RCAN2: variants seen among roughly 807,000 people sequenced by gnomAD.
RCAN2 encodes the protein calcipressin-2.
RCAN2 carries 9 observed loss-of-function variants against 23.6 expected under a neutral mutation model. The observed-to-expected ratio is 0.38, with a 90% CI of 0.23 to 0.67. The LOEUF (loss-of-function observed/expected upper bound fraction) is 0.67. Among genes scored for constraint, RCAN2 ranks in the 30% least tolerant of loss-of-function variants. The pLI is 0.51. For synonymous variants in RCAN2, 109 were observed against 115.7 expected (o/e 0.94, Z 0.37); for missense variants, 273 against 302.3 (o/e 0.90, Z 0.72).
At chr6:46,487,131 T>C (rs1769015127) in intron 1 of RCAN2, among the ~76,000 whole-genome samples, 1 of 152,186 alleles carries the variant, frequency 6.6e-6, no homozygotes. Flanking sequence ...CTCTATTCTA[T>C]GCCATAATAA....
intron 2 of RCAN2, among the ~76,000 whole-genome samples, chr6:46,391,232 A>G (rs938462600): frequency 1.3e-5 from 2 of 152,208 alleles, no homozygotes; most frequent in African/African-American, 4.8e-5. Context: ...ATAAAAAAGG[A>G]TAAGTTCATG....
intron 2 of RCAN2, among the ~76,000 whole-genome samples, chr6:46,381,270 T>C (rs1004663157): frequency 1.3e-5 from 2 of 152,304 alleles, no homozygotes; most frequent in African/African-American, 4.8e-5. Flanking sequence ...AGGCAGATAA[T>C]ACAATGGAAA....
At chr6:46,475,005 T>C (rs1768674451) in intron 1 of RCAN2, among the ~76,000 whole-genome samples, 1 of 152,254 alleles carries the variant, frequency 6.6e-6, no homozygotes, top group African/African-American at 2.4e-5. Flanking sequence ...GATTTCCAAA[T>C]ATTTGTTGAA....
chr6:46,301,647 G>T (rs1416655991), intron 2 of RCAN2, among the ~76,000 whole-genome samples: 1 of 152,096 alleles, frequency 6.6e-6, no homozygotes, highest in Non-Finnish European at 1.5e-5. Flanking sequence ...TTATGCAATG[G>T]TGAACATATA....
At chr6:46,479,822 C>T (rs1582236032) in intron 1 of RCAN2, among the ~76,000 whole-genome samples, 1 of 152,120 alleles carries the variant, frequency 6.6e-6, no homozygotes, top group African/African-American at 2.4e-5. Flanking sequence ...ACCTCATGAT[C>T]TGCCCATCTC....
intron 2 of RCAN2, among the ~76,000 whole-genome samples, chr6:46,286,777 T>C (rs148706161): frequency 0.032 from 4,895 of 151,628 alleles, 233 homozygotes; most frequent in African/African-American, 0.11. Flanking sequence ...CCGAGGCAGG[T>C]GGATCACCTG....
chr6:46,368,529 G>A (rs1005086649), intron 2 of RCAN2, among the ~76,000 whole-genome samples: 1 of 152,166 alleles, frequency 6.6e-6, no homozygotes, highest in Non-Finnish European at 1.5e-5. Flanking sequence ...AACCTAGATG[G>A]TATAGCCTAC....
At chr6:46,270,537 C>T (rs1161967976) in intron 2 of RCAN2, among the ~76,000 whole-genome samples, 1 of 152,184 alleles carries the variant, frequency 6.6e-6, no homozygotes, top group Non-Finnish European at 1.5e-5. Context: ...GCTGTCTTCT[C>T]AGATGGTTCC....
At chr6:46,367,111 A>T (rs1380180745) in intron 2 of RCAN2, among the ~76,000 whole-genome samples, 2 of 144,890 alleles carry the variant, frequency 1.4e-5, no homozygotes, top group African/African-American at 5.1e-5. Flanking sequence ...GGAACATGCA[A>T]GGGGACTTCT....
intron 2 of RCAN2, among the ~76,000 whole-genome samples, chr6:46,347,630 CT>C (rs1373491084): frequency 2.0e-5 from 3 of 152,072 alleles, no homozygotes; most frequent in Non-Finnish European, 4.4e-5. Context: ...TAATAGTTAC[CT>C]TGTTTTTTAA....
intron 2 of RCAN2, among the ~76,000 whole-genome samples, chr6:46,379,450 C>T (rs533920761): frequency 9.2e-5 from 14 of 152,246 alleles, no homozygotes; most frequent in Admixed American, 7.2e-4. Context: ...AAATTATATG[C>T]TCCAGATAAA....
intron 2 of RCAN2, among the ~76,000 whole-genome samples, chr6:46,305,934 CATGATTACCACTTTGT>C (rs1197843540): frequency 7.5e-6 from 1 of 133,158 alleles, no homozygotes; most frequent in Non-Finnish European, 1.6e-5. Context: ...TTTTTTTTTT[CATGATTACCACTTTGT>C]ATGCCTGGCG....
rs1764857613 is a variant in RCAN2, at chr6:46,357,180, G to T, written c.225+99572C>A. ...ATGGGGTAGAAAAATTTGTCCCTCA[G>T]TTCTGTGCAAACCAGAATGGTTGGC... On this transcript the variant is annotated intron_variant, in intron 2 of 4. Transcript: ENST00000371374. Among the ~76,000 whole-genome samples, 3 of 152,294 alleles carry T rather than the reference G, an allele frequency of 2.0e-5. No homozygotes were observed. The South Asian group carries it at 6.2e-4, about 32-fold the overall frequency.
intron 2 of RCAN2, among the ~76,000 whole-genome samples, chr6:46,392,129 A>T (rs1346096843): frequency 6.6e-6 from 1 of 152,160 alleles, no homozygotes; most frequent in Non-Finnish European, 1.5e-5. Context: ...TTAAAAATGT[A>T]CATGTAAGCC....
intron 2 of RCAN2, among the ~76,000 whole-genome samples, chr6:46,282,668 G>GTCT (rs1271133942): frequency 6.6e-6 from 1 of 152,158 alleles, no homozygotes; most frequent in Non-Finnish European, 1.5e-5. Context: ...AGCTTAGGAG[G>GTCT]AGACGTTCAT....
At chr6:46,482,562 A>G (rs1191034445) in intron 1 of RCAN2, among the ~76,000 whole-genome samples, 1 of 152,192 alleles carries the variant, frequency 6.6e-6, no homozygotes. Flanking sequence ...AAGGTCTCTA[A>G]CCTGCATTAT....
chr6:46,272,746 G>T (rs1256208001), intron 2 of RCAN2, among the ~76,000 whole-genome samples: 1 of 152,024 alleles, frequency 6.6e-6, no homozygotes, highest in Admixed American at 6.6e-5. Context: ...GGACTTTTTT[G>T]AATTAAGATA....
At chr6:46,361,706 T>G (rs1561874718) in intron 2 of RCAN2, among the ~76,000 whole-genome samples, 1 of 152,188 alleles carries the variant, frequency 6.6e-6, no homozygotes, top group Non-Finnish European at 1.5e-5. Context: ...TTATTGATAT[T>G]GGATTAGTTT....
At chr6:46,244,104 T>C (rs1381759152) in intron 4 of RCAN2, among the ~76,000 whole-genome samples, 1 of 152,188 alleles carries the variant, frequency 6.6e-6, no homozygotes, top group Non-Finnish European at 1.5e-5. Flanking sequence ...CCTATCTCTG[T>C]GTTTATTACA....
Sources: allele counts gnomAD v4.1 joint callset (sites outside exome capture counted in the v4.1 genomes callset), GRCh38; gene constraint gnomAD v4.1.1; transcripts MANE v1.5; gene names NCBI Gene and HGNC (gene_info 2026-07-23, HGNC 2026-07-21).